Variants in SLC6A11 observed in about 807,000 individuals in gnomAD.
SLC6A11 encodes the protein solute carrier family 6 member 11, also known as sodium- and chloride-dependent GABA transporter 3.
A neutral mutation model predicts 74.8 loss-of-function variants in SLC6A11; 25 were observed. That is an observed-to-expected ratio of 0.33 (90% CI 0.24 to 0.47). The LOEUF is 0.47. SLC6A11 is among the 20% of genes least tolerant of loss of function. The pLI is 1.00. For missense variants in SLC6A11, 574 were observed against 837.0 expected, an observed-to-expected ratio of 0.69 and a Z score of 3.88; for synonymous variants, 330 against 330.2, an observed-to-expected ratio of 1.00 and a Z score of 0.01.
At chr3:10,834,862 C>T (rs140197321) in intron 4 of SLC6A11, among the ~76,000 whole-genome samples, 130 of 152,308 alleles carry the variant, frequency 8.5e-4, no homozygotes, top group African/African-American at 3.0e-3. Context: ...TGTGACATTG[C>T]TGGTCAGCAG....
Position 10,926,129 on chromosome 3 carries a change from G to A in SLC6A11, c.1233+13G>A. On this transcript the variant is annotated intron_variant, in intron 9 of 13. Coordinates refer to ENST00000254488, the MANE Select transcript of SLC6A11 (RefSeq NM_014229.3). This position sits in a 1 kb window ranked among gnomAD's most constrained non-coding sequence, Gnocchi z 5.7. ...CCTGGACAGCCAGGTAAGGGGCCATGGGGATGGGGAGCCCAGGAGGGAGGG... is the reference window on the plus strand; with the variant it reads ...CCTGGACAGCCAGGTAAGGGGCCATAGGGATGGGGAGCCCAGGAGGGAGGG... 1 of 1,564,202 alleles carries A rather than the reference G, an allele frequency of 6.4e-7. No individual in the cohort carries two copies. Among genetic ancestry groups the A allele is most frequent in the Middle Eastern group, 1.7e-4 (1 of 5,926 alleles).
chr3:10,886,249 A>G (rs559057749), intron 6 of SLC6A11, among the ~76,000 whole-genome samples: 2 of 152,290 alleles, frequency 1.3e-5, no homozygotes, highest in African/African-American at 2.4e-5. Flanking sequence ...AGAAGCAGAG[A>G]TCGACTCCCT....
At position 10,850,783 on chromosome 3, in the gene SLC6A11, C is replaced by T. The variant is rs1020829131; in HGVS notation, c.756+6437C>T. ...TACAGGTTTTCCAGCAGGGATAGCA[C>T]GGTCTATTTTCATCCCTGCAAGCTG... On this transcript the variant is annotated intron_variant, in intron 5 of 13. Transcript: ENST00000254488. Among the ~76,000 whole-genome samples the T allele has an allele frequency of 4.6e-5, 7 of 152,124 alleles. No individual in the cohort carries two copies. In the East Asian group the frequency reaches 7.7e-4, roughly 17 times the overall value.
chr3:10,873,957 GCTACGCTATGCTA>G lies in SLC6A11; in HGVS notation c.757-1003_757-991del, dbSNP rs1694875360. 2.7e-5 allele frequency among the ~76,000 whole-genome samples: 4 copies of G among 146,738 alleles called. 1 individual carries two copies. In the South Asian group the frequency reaches 8.4e-4, roughly 31 times the overall value. On this transcript the variant is annotated intron_variant, in intron 5 of 13. Coordinates refer to ENST00000254488, the MANE Select transcript of SLC6A11 (RefSeq NM_014229.3). Reference sequence around the variant, plus strand: ...GTTATGCTATGCTATCCTATGCTATGCTACGCTATGCTATGCTACGCTACGCTACGCTACGCTA... The same window carrying G: ...GTTATGCTATGCTATCCTATGCTATGTGCTACGCTACGCTACGCTACGCTA...
chr3:10,841,631 G>A (rs1014674049), intron 4 of SLC6A11, among the ~76,000 whole-genome samples: 1 of 152,206 alleles, frequency 6.6e-6, no homozygotes, highest in African/African-American at 2.4e-5. Context: ...AGAGGGTGCC[G>A]GAGCAGGCTG....
intron 6 of SLC6A11, among the ~76,000 whole-genome samples, chr3:10,900,993 G>A (rs1408782435): frequency 6.6e-6 from 1 of 152,182 alleles, no homozygotes; most frequent in Non-Finnish European, 1.5e-5. Flanking sequence ...TTTAGAGAGT[G>A]GGGGCTGGTG....
chr3:10,929,784 A>G (rs1230614665), intron 10 of SLC6A11, among the ~76,000 whole-genome samples: 1 of 152,186 alleles, frequency 6.6e-6, no homozygotes, highest in Non-Finnish European at 1.5e-5. Context: ...ACCTTTGGGC[A>G]CCATGTGCAC....
intron 10 of SLC6A11, among the ~76,000 whole-genome samples, chr3:10,930,420 G>A (rs910510454): frequency 1.3e-5 from 2 of 152,146 alleles, no homozygotes; most frequent in Non-Finnish European, 2.9e-5. Flanking sequence ...GCATGGGGTG[G>A]GTGCTCGGTG....
chr3:10,936,728 G>A (rs1395917848), intron 13 of SLC6A11, among the ~76,000 whole-genome samples: 1 of 152,188 alleles, frequency 6.6e-6, no homozygotes, highest in Non-Finnish European at 1.5e-5. Context: ...AGCTGACCTG[G>A]GGCCTTAAAA....
intron 12 of SLC6A11, 27 bp downstream of exon 12, chr3:10,934,193 C>T: frequency 1.4e-6 from 2 of 1,463,938 alleles, no homozygotes; most frequent in Non-Finnish European, 1.9e-6. Context: ...GAGCCACCTC[C>T]AGCCATCTAC....
chr3:10,822,189 A>T (rs946105016), intron 3 of SLC6A11, among the ~76,000 whole-genome samples: 1 of 152,214 alleles, frequency 6.6e-6, no homozygotes, highest in African/African-American at 2.4e-5. Flanking sequence ...GAGCATTCAT[A>T]CATATGTGAG....
At chr3:10,924,119 A>G (rs1449814794) in intron 8 of SLC6A11, among the ~76,000 whole-genome samples, 1 of 152,210 alleles carries the variant, frequency 6.6e-6, no homozygotes, top group African/African-American at 2.4e-5. Context: ...TCTGAATTAA[A>G]TGTTGGAACA....
chr3:10,905,626 C>T (rs932486862), intron 6 of SLC6A11, among the ~76,000 whole-genome samples: 2 of 152,212 alleles, frequency 1.3e-5, no homozygotes, highest in African/African-American at 4.8e-5. Flanking sequence ...TCATTAGTTC[C>T]TTTCTAGACT....
intron 9 of SLC6A11, among the ~76,000 whole-genome samples, chr3:10,928,863 C>T (rs1261751858): frequency 1.3e-5 from 2 of 152,118 alleles, no homozygotes; most frequent in Non-Finnish European, 2.9e-5. Context: ...AGCACAGAGC[C>T]CAGCATGTAG....
Position 10,844,232 on chromosome 3 carries a change from C to T in SLC6A11, c.642C>T (p.Ile214=). The change falls in exon 5 of 14, where the codon ATC becomes ATT. Residue 214 remains isoleucine (I), a synonymous_variant. Transcript: ENST00000254488. ...TCTGCAGGCACCGGGTCCTGGCCAT[C>T]TCTGACGGGATCGAGCACATCGGGA... is the stretch of plus-strand genomic sequence containing the variant. ...MEFWEHRVLA[I]SDGIEHIGNL... is the part of the protein sequence containing the mutation. The T allele has an allele frequency of 6.2e-7, 1 of 1,614,200 alleles. No individual in the cohort carries two copies.
At chr3:10,841,837 A>G (rs924724739) in intron 4 of SLC6A11, among the ~76,000 whole-genome samples, 1 of 152,142 alleles carries the variant, frequency 6.6e-6, no homozygotes, top group African/African-American at 2.4e-5. Context: ...GTGTATGTGC[A>G]TGTGTGCATG....
intron 10 of SLC6A11, among the ~76,000 whole-genome samples, chr3:10,931,436 C>T (rs1388396482): frequency 2.0e-5 from 3 of 152,074 alleles, no homozygotes; most frequent in South Asian, 2.1e-4. Flanking sequence ...ATACAAGCCC[C>T]GTACTCCACA....
At chr3:10,927,555 G>A (rs912671955) in intron 9 of SLC6A11, among the ~76,000 whole-genome samples, 1 of 152,224 alleles carries the variant, frequency 6.6e-6, no homozygotes, top group Non-Finnish European at 1.5e-5. Context: ...GGGCCCGTCT[G>A]CCTCTTGGCC....
intron 4 of SLC6A11, among the ~76,000 whole-genome samples, chr3:10,829,160 T>C (rs1694258597): frequency 1.3e-5 from 2 of 152,226 alleles, no homozygotes; most frequent in South Asian, 4.1e-4. Flanking sequence ...TGTAAGAAGA[T>C]TTTTTGCAAT....
Sources: gnomAD v4.1 joint callset for allele counts (sites outside exome capture counted in the v4.1 genomes callset) on GRCh38, gnomAD v4.1.1 for gene constraint, Gnocchi (gnomAD v3.1) non-coding constraint, MANE v1.5 for transcripts, NCBI Gene and HGNC (gene_info 2026-07-23, HGNC 2026-07-21) for gene names.